PCDH9: variants seen among roughly 807,000 people sequenced by gnomAD.
PCDH9 encodes protocadherin-9.
PCDH9 carries 24 observed loss-of-function variants against 70.6 expected under a neutral mutation model. The ratio of observed to expected loss-of-function variants is 0.34; its 90% CI spans 0.25 to 0.48. The LOEUF is 0.48. Ranked by LOEUF, PCDH9 falls within the 20% of genes least tolerant of loss-of-function variation. The probability of loss-of-function intolerance (pLI) is 0.99; values close to 1 mark genes in which losing one functional copy is unlikely to be tolerated. For synonymous variants in PCDH9, 562 were observed against 558.5 expected (o/e 1.01, Z -0.09); for missense variants, 1,281 against 1,503.6 (o/e 0.85, Z 2.45).
At chr13:66,781,786 A>G (rs377242087) in intron 3 of PCDH9, among the ~76,000 whole-genome samples, 5 of 152,318 alleles carry the variant, frequency 3.3e-5, no homozygotes, top group African/African-American at 1.2e-4. Flanking sequence ...CAATACTTCA[A>G]TCATGAAGCT....
At chr13:66,794,599 G>A in intron 3 of PCDH9, among the ~76,000 whole-genome samples, 1 of 152,110 alleles carries the variant, frequency 6.6e-6, no homozygotes, top group Middle Eastern at 3.4e-3. Flanking sequence ...TCCACCTAAG[G>A]CTTTAACAAT....
intron 2 of PCDH9, among the ~76,000 whole-genome samples, chr13:67,129,877 TA>T (rs1257319644): frequency 6.6e-6 from 1 of 151,912 alleles, no homozygotes; most frequent in East Asian, 1.9e-4. Flanking sequence ...GAGAAAAAAT[TA>T]AAGTGAAAAA....
chr13:66,453,991 C>A (rs1005461274), intron 4 of PCDH9, among the ~76,000 whole-genome samples: 14 of 151,756 alleles, frequency 9.2e-5, no homozygotes, highest in Non-Finnish European at 1.9e-4. Flanking sequence ...TAATCAGTAA[C>A]TCTTTTACTT....
At chr13:66,859,498 C>T (rs1169291145) in intron 3 of PCDH9, among the ~76,000 whole-genome samples, 3 of 152,128 alleles carry the variant, frequency 2.0e-5, no homozygotes, top group Non-Finnish European at 1.5e-5. Flanking sequence ...ATGGGTTTTA[C>T]ATTCACTATT....
intron 4 of PCDH9, among the ~76,000 whole-genome samples, chr13:66,586,675 A>G (rs1436718671): frequency 6.6e-6 from 1 of 152,126 alleles, no homozygotes; most frequent in African/African-American, 2.4e-5. Context: ...TCCTAGATAG[A>G]TTGTGTGGTG....
chr13:67,174,886 T>G (rs1483580207), intron 2 of PCDH9, among the ~76,000 whole-genome samples: 2 of 151,644 alleles, frequency 1.3e-5, no homozygotes, highest in Non-Finnish European at 2.9e-5. Context: ...AATCTCACCA[T>G]TTTGGGAGGC....
At chr13:66,380,827 G>A (rs978766325) in intron 4 of PCDH9, among the ~76,000 whole-genome samples, 5 of 152,184 alleles carry the variant, frequency 3.3e-5, no homozygotes, top group Admixed American at 6.5e-5. Flanking sequence ...ACAGGCGTGA[G>A]CCACCGCGCC....
chr13:67,149,823 A>T (rs1331577818), intron 2 of PCDH9, among the ~76,000 whole-genome samples: 3 of 152,136 alleles, frequency 2.0e-5, no homozygotes, highest in African/African-American at 7.2e-5. Context: ...GAACACTTTC[A>T]TGCAAATTAG....
At chr13:67,182,237 A>G (rs981915897) in intron 2 of PCDH9, among the ~76,000 whole-genome samples, 3 of 151,964 alleles carry the variant, frequency 2.0e-5, no homozygotes, top group Non-Finnish European at 4.4e-5. Flanking sequence ...CTAAAACAGG[A>G]CTCTCAGTTT....
In PCDH9 at chr13:66,400,827, G is replaced by GA. The variant is rs369168995; in HGVS notation, c.3341-95800dup. ...TCAACTTGATAGTGTAATATCTAAG[G>GA]AAAAAAAATAGTCTAGTGGATTCCA... On this transcript the variant is annotated intron_variant, in intron 4 of 4. Coordinates refer to ENST00000377865, the MANE Select transcript of PCDH9 (RefSeq NM_203487.3). 2.2e-3 allele frequency among the ~76,000 whole-genome samples: 341 copies of GA among 151,890 alleles called. 2 individuals are homozygous for GA. The highest frequency in any genetic ancestry group is 7.8e-3 in the African/African-American group (324 of 41,428).
intron 2 of PCDH9, among the ~76,000 whole-genome samples, chr13:67,084,982 AAAAAAAAAAAAAAAAATATAT>A (rs2138193919): frequency 1.3e-5 from 1 of 75,390 alleles, no homozygotes; most frequent in Admixed American, 1.6e-4. Context: ...AAAAAAAAAA[AAAAAAAAAAAAAAAAATATAT>A]ATATATATAT....
intron 2 of PCDH9, among the ~76,000 whole-genome samples, chr13:67,115,234 T>C (rs964933222): frequency 3.3e-5 from 5 of 152,200 alleles, no homozygotes; most frequent in Admixed American, 6.5e-5. Flanking sequence ...TAATAATAAT[T>C]GGATTTATAA....
At chr13:67,179,885 A>G (rs9571730) in intron 2 of PCDH9, among the ~76,000 whole-genome samples, 17,932 of 152,108 alleles carry the variant, frequency 0.12, 1,151 homozygotes, top group East Asian at 0.23. Context: ...AGAGAAGTAG[A>G]ACAGAAAGGC....
At chr13:66,621,762 C>A (rs1326705663) in intron 4 of PCDH9, among the ~76,000 whole-genome samples, 1 of 152,220 alleles carries the variant, frequency 6.6e-6, no homozygotes, top group Non-Finnish European at 1.5e-5. Context: ...GTTATTTATC[C>A]TATTGAGAGG....
At chr13:66,736,343 G>T (rs914645676) in intron 3 of PCDH9, among the ~76,000 whole-genome samples, 1 of 152,068 alleles carries the variant, frequency 6.6e-6, no homozygotes. Flanking sequence ...GACCCAGCTT[G>T]GTCACCCAAA....
intron 3 of PCDH9, among the ~76,000 whole-genome samples, chr13:66,653,736 G>A (rs1053172027): frequency 6.6e-6 from 1 of 151,988 alleles, no homozygotes; most frequent in Admixed American, 6.6e-5. Flanking sequence ...GGGAGGCCGA[G>A]GTTGGCGGAT....
intron 4 of PCDH9, among the ~76,000 whole-genome samples, chr13:66,547,767 G>A (rs1281254012): frequency 2.6e-5 from 4 of 151,324 alleles, no homozygotes; most frequent in Non-Finnish European, 5.9e-5. Flanking sequence ...GCAAGACTGT[G>A]AGGCCCATAA....
In PCDH9 at chr13:66,348,337, C is replaced by G. The variant is rs1352281217; in HGVS notation, c.3341-43309G>C. 2.6e-5 allele frequency among the ~76,000 whole-genome samples: 4 copies of G among 152,118 alleles called. 1 individual carries two copies. Among genetic ancestry groups the G allele is most frequent in the Middle Eastern group, 6.8e-3 (2 of 294 alleles). ...AGACTACTTCTACCATAGAAATGTT[C>G]AATAACTGCCCCATGTCATAAACAA... is the stretch of plus-strand genomic sequence containing the variant. On this transcript the variant is annotated intron_variant, in intron 4 of 4. Coordinates refer to ENST00000377865, the MANE Select transcript of PCDH9 (RefSeq NM_203487.3).
At chr13:66,874,063 C>G (rs2081750902) in intron 3 of PCDH9, among the ~76,000 whole-genome samples, 1 of 151,686 alleles carries the variant, frequency 6.6e-6, no homozygotes, top group African/African-American at 2.4e-5. Context: ...ACTTCCACCT[C>G]CCAAGTAGCT....
Sources: gnomAD v4.1 joint callset for allele counts (sites outside exome capture counted in the v4.1 genomes callset) on GRCh38, gnomAD v4.1.1 for gene constraint, MANE v1.5 for transcripts, NCBI Gene and HGNC (gene_info 2026-07-23, HGNC 2026-07-21) for gene names.